The following TRANK1 variants were observed in gnomAD, a reference collection of about 807,000 sequenced individuals.
TRANK1 encodes the protein TPR and ankyrin repeat-containing protein 1.
TRANK1 carries 198 observed loss-of-function variants against 266.0 expected under a neutral mutation model. The ratio of observed to expected loss-of-function variants is 0.74; its 90% CI spans 0.66 to 0.84. TRANK1 has a LOEUF of 0.84. Ranked by LOEUF, TRANK1 falls within the 40% of genes least tolerant of loss-of-function variation. The pLI, the probability that TRANK1 is intolerant of heterozygous loss-of-function variation, is 0.00. For missense variants in TRANK1, 3,326 were observed against 3,634.6 expected (o/e 0.92, Z 2.18); for synonymous variants, 1,396 against 1,384.1 (o/e 1.01, Z -0.19).
At chr3:36,921,342 T>C (rs1052103113) in intron 1 of TRANK1, among the ~76,000 whole-genome samples, 21 of 152,234 alleles carry the variant, frequency 1.4e-4, no homozygotes, top group African/African-American at 5.1e-4. Context: ...CATTACTCCA[T>C]TCACGAGTCA....
Position 36,831,871 on chromosome 3 carries a change from A to G in TRANK1, c.7712T>C (p.Val2571Ala). The G allele has an allele frequency of 6.2e-7, 1 of 1,614,012 alleles. No individual in the cohort carries two copies. Among genetic ancestry groups the G allele is most frequent in the Non-Finnish European group, 8.5e-7 (1 of 1,179,898 alleles). Residue 2571 changes from valine (V) to alanine (A), a missense_variant, in exon 22 of 24, where the codon GTG (valine) becomes GCG (alanine). Val to Ala is a moderately conservative substitution (Grantham distance 64). Coordinates refer to ENST00000645898, the MANE Select transcript of TRANK1 (RefSeq NM_001329998.2). This position sits in a 1 kb window ranked among gnomAD's most constrained non-coding sequence, Gnocchi z 5.0. ...RTLVLCLVML[V>A]NAEEILQPYC... ...TGGCTGCAGGATCTCCTCAGCATTCACTAGCATCACCAAGCACAGCACCAG... is the reference window on the plus strand; with the variant it reads ...TGGCTGCAGGATCTCCTCAGCATTCGCTAGCATCACCAAGCACAGCACCAG...
At position 36,827,729 on chromosome 3, in the gene TRANK1, C is replaced by T. The variant is rs2078647117; in HGVS notation, c.*546G>A. ...CTAACATCTCTAACAGAAGAAGCTA[C>T]ACTACAAGTGGGCTCAGAGATGACC... On this transcript the variant is annotated 3_prime_UTR_variant, in exon 24 of 24. Transcript: ENST00000645898. 1 of 152,544 alleles carries T rather than the reference C, an allele frequency of 6.6e-6. No homozygotes were observed. Among genetic ancestry groups the T allele is most frequent in the Non-Finnish European group, 1.5e-5 (1 of 68,072 alleles). The allele number at this position is 152,544 out of a possible 1,614,324, so 9.4% of individuals were successfully genotyped here. A position where few individuals can be genotyped will look rare whatever the true frequency, so the allele number is the denominator to read the frequency against.
chr3:36,854,484 C>A (rs1418725872), intron 13 of TRANK1, among the ~76,000 whole-genome samples: 2 of 152,166 alleles, frequency 1.3e-5, no homozygotes, highest in African/African-American at 4.8e-5. Context: ...AAGCAATACT[C>A]CATATTGTTC....
intron 9 of TRANK1, among the ~76,000 whole-genome samples, chr3:36,867,283 A>G (rs1406454961): frequency 2.0e-5 from 3 of 152,330 alleles, no homozygotes; most frequent in Non-Finnish European, 4.4e-5. Context: ...GCCTGATAGA[A>G]TCTTTGCAAA....
rs1559448751 is a variant in TRANK1, at chr3:36,879,794, A to AAATATACAAATATATG, written c.908-5499_908-5498insCATATATTTGTATATT. Among the ~76,000 whole-genome samples, 15 of 47,062 alleles carry AAATATACAAATATATG rather than the reference A, an allele frequency of 3.2e-4. 1 individual carries two copies. The highest frequency in any genetic ancestry group is 6.1e-4 in the African/African-American group (6 of 9,848). The allele number at this position is 47,062 out of a possible 152,430, so 30.9% of individuals were successfully genotyped here. On this transcript the variant is annotated intron_variant, in intron 8 of 23. Transcript: ENST00000645898. ...TAAATATATATAAATATGTAAATAT[A>AAATATACAAATATATG]TAAATATACAAATATATGTAAATAT... is the stretch of plus-strand genomic sequence containing the variant.
In TRANK1 at chr3:36,852,284, A is replaced by C; in HGVS notation, c.4611T>G (p.Phe1537Leu). ...DLLQFYFPES[F>L]DRLPRDSGLF... ...GGCCAGAATCCCTTGGAAGGCGATC[A>C]AAAGATTCTGGGAAATAGAACTGAA... Residue 1537 changes from phenylalanine to leucine, a missense_variant, in exon 14 of 24, where the codon TTT becomes TTG. Physicochemically the swap from Phe to Leu is conservative, Grantham distance 22. Transcript: ENST00000645898. 7 of 1,612,486 alleles carry C rather than the reference A, an allele frequency of 4.3e-6. No homozygotes were observed. The highest frequency in any genetic ancestry group is 5.1e-6 in the Non-Finnish European group (6 of 1,179,264).
At chr3:36,929,581 T>C (rs1255650112) in intron 1 of TRANK1, among the ~76,000 whole-genome samples, 1 of 152,164 alleles carries the variant, frequency 6.6e-6, no homozygotes, top group African/African-American at 2.4e-5. Flanking sequence ...AGTGAATCAT[T>C]TGGTACAACT....
At chr3:36,866,095 A>AGAAG (rs1371794450) in intron 9 of TRANK1, among the ~76,000 whole-genome samples, 8 of 149,914 alleles carry the variant, frequency 5.3e-5, no homozygotes, top group Non-Finnish European at 1.0e-4. Flanking sequence ...AAAGAAAGAA[A>AGAAG]GAAAGAAAGA....
intron 21 of TRANK1, 88 bp from the exon 22 acceptor site, chr3:36,834,007 T>C: frequency 1.5e-6 from 2 of 1,305,178 alleles, no homozygotes; most frequent in Non-Finnish European, 2.0e-6. Context: ...GCAACTTAAA[T>C]AAAACTCCCA....
At chr3:36,940,204 A>C (rs2080477751) in intron 1 of TRANK1, among the ~76,000 whole-genome samples, 1 of 151,536 alleles carries the variant, frequency 6.6e-6, no homozygotes, top group Admixed American at 6.6e-5. Flanking sequence ...TCTTAGTAAG[A>C]AGCTGCTCCT....
chr3:36,857,874 C>T lies in TRANK1; in HGVS notation c.1848G>A (p.Lys616=), dbSNP rs1462366538. 1.2e-6 allele frequency: 2 copies of T among 1,612,198 alleles called. No individual in the cohort carries two copies. Among genetic ancestry groups the T allele is most frequent in the Admixed American group, 3.3e-5 (2 of 59,980 alleles). ...TCTTCAGATTGAAGTTGATGTCAAA[C>T]TTCACCAGCAGGTCTAACAGCTTCT... The part of the protein sequence containing the change: ...RVKKLLDLLV[K]FDINFNLKNK... Residue 616 remains lysine (K), a synonymous_variant, in exon 13 of 24, where the codon AAG becomes AAA. Transcript: ENST00000645898. The surrounding 1 kb of genome is among the most constrained non-coding windows in gnomAD (Gnocchi z 4.3).
chr3:36,918,468 GAAGAAAGAAAGAAAGA>G (rs148120910), intron 1 of TRANK1, among the ~76,000 whole-genome samples: 317 of 31,170 alleles, frequency 0.01, 14 homozygotes, highest in Middle Eastern at 0.034. Flanking sequence ...AGAAAGAAAA[GAAGAAAGAAAGAAAGA>G]AAGAAAGAAA....
chr3:36,890,088 C>T, intron 7 of TRANK1, 128 bp from the exon 8 acceptor site: 1 of 1,229,526 alleles, frequency 8.1e-7, no homozygotes, highest in Non-Finnish European at 1.1e-6. Flanking sequence ...GTGGACCACG[C>T]TAAGGTAACC....
intron 9 of TRANK1, among the ~76,000 whole-genome samples, chr3:36,870,223 C>T (rs1192938319): frequency 6.6e-6 from 1 of 152,152 alleles, no homozygotes; most frequent in East Asian, 1.9e-4. Context: ...GTCTGACCAA[C>T]AGAGTGAAAC....
At chr3:36,912,097 C>T (rs778706087) in intron 1 of TRANK1, among the ~76,000 whole-genome samples, 3 of 151,530 alleles carry the variant, frequency 2.0e-5, no homozygotes, top group African/African-American at 7.3e-5. Flanking sequence ...AGCTGAGGCA[C>T]GAGAATCACT....
Position 36,828,253 on chromosome 3 carries a change from G to A in TRANK1, c.*22C>T, listed in dbSNP as rs1409814276. On this transcript the variant is annotated 3_prime_UTR_variant, in exon 24 of 24. Coordinates refer to ENST00000645898, the MANE Select transcript of TRANK1 (RefSeq NM_001329998.2). ...CAGAATGGAATGTTCCGAAGGATGA[G>A]GAGGCTGCAGCTGTGTGGACATTAG... The A allele has an allele frequency of 6.4e-7, 1 of 1,554,218 alleles. No individual in the cohort carries two copies. Among genetic ancestry groups the A allele is most frequent in the Non-Finnish European group, 8.8e-7 (1 of 1,130,670 alleles).
At chr3:36,876,560 G>C (rs1223286275) in intron 8 of TRANK1, among the ~76,000 whole-genome samples, 1 of 152,204 alleles carries the variant, frequency 6.6e-6, no homozygotes, top group Non-Finnish European at 1.5e-5. Flanking sequence ...TTAACTGAAA[G>C]ACAGCCTGTC....
chr3:36,841,555 A>C (rs930390459), intron 18 of TRANK1, among the ~76,000 whole-genome samples: 3 of 152,164 alleles, frequency 2.0e-5, no homozygotes, highest in African/African-American at 7.2e-5. Flanking sequence ...AAAGGTTAAA[A>C]CTGCCAGATG....
In TRANK1 at chr3:36,831,891, C is replaced by A. The variant is rs776389359; in HGVS notation, c.7692G>T (p.Val2564=). The A allele has an allele frequency of 9.3e-6, 15 of 1,613,932 alleles. No homozygotes were observed. In the Admixed American group the frequency reaches 2.2e-4, roughly 23 times the overall value. Residue 2564 remains valine (V), a synonymous_variant, in exon 22 of 24, where the codon GTG becomes GTT. Coordinates refer to ENST00000645898, the MANE Select transcript of TRANK1 (RefSeq NM_001329998.2). This position sits in a 1 kb window ranked among gnomAD's most constrained non-coding sequence, Gnocchi z 5.0. Reference sequence around the variant, plus strand: ...CATTCACTAGCATCACCAAGCACAGCACCAGTGTCCGCTCAGCCTCACCCG... The same window carrying A: ...CATTCACTAGCATCACCAAGCACAGAACCAGTGTCCGCTCAGCCTCACCCG... ...VVSGEAERTL[V]LCLVMLVNAE...
Sources: allele counts gnomAD v4.1 joint callset (sites outside exome capture counted in the v4.1 genomes callset), GRCh38; gene constraint gnomAD v4.1.1; non-coding constraint Gnocchi (gnomAD v3.1); transcripts MANE v1.5; gene names NCBI Gene and HGNC (gene_info 2026-07-23, HGNC 2026-07-21).